The following EFCAB11 variants were observed in gnomAD, a reference collection of about 807,000 sequenced individuals.
EFCAB11 encodes EF-hand calcium binding domain 11, also known as EF-hand calcium-binding domain-containing protein 11.
Under a neutral mutation model 23.0 loss-of-function variants are expected in EFCAB11, and 14 were observed. The ratio of observed to expected loss-of-function variants is 0.61; its 90% CI spans 0.40 to 0.95. The LOEUF (loss-of-function observed/expected upper bound fraction) is 0.95, where lower values mean the gene tolerates loss of function less well. Ranked by LOEUF, EFCAB11 falls within the 40% of genes least tolerant of loss-of-function variation. The pLI is 0.00. For missense variants in EFCAB11, 198 were observed against 195.8 expected, an observed-to-expected ratio of 1.01 and a Z score of -0.07; for synonymous variants, 65 against 66.6, an observed-to-expected ratio of 0.98 and a Z score of 0.11.
intron 5 of EFCAB11, among the ~76,000 whole-genome samples, chr14:89,815,219 T>C (rs1391347637): frequency 6.6e-6 from 1 of 152,104 alleles, no homozygotes; most frequent in Non-Finnish European, 1.5e-5. Context: ...GTCCCCACAA[T>C]TTGGGGGTGG....
At chr14:89,869,484 G>C (rs1265924131) in intron 5 of EFCAB11, among the ~76,000 whole-genome samples, 1 of 151,984 alleles carries the variant, frequency 6.6e-6, no homozygotes, top group African/African-American at 2.4e-5. Flanking sequence ...ACTTCTATGA[G>C]GTTAAAAAAA....
intron 5 of EFCAB11, among the ~76,000 whole-genome samples, chr14:89,928,334 T>A (rs1398097906): frequency 1.3e-5 from 2 of 152,146 alleles, no homozygotes. Context: ...CTTTCTGATG[T>A]CTCTAGAAAT....
intron 5 of EFCAB11, among the ~76,000 whole-genome samples, chr14:89,917,098 ATGTGTG>A (rs1242468086): frequency 1.5e-4 from 11 of 73,366 alleles, no homozygotes; most frequent in East Asian, 6.5e-4. Context: ...GTGTGTGTGT[ATGTGTG>A]TGTTGAAAAC....
intron 5 of EFCAB11, among the ~76,000 whole-genome samples, chr14:89,815,287 T>C (rs572215269): frequency 1.3e-5 from 2 of 152,192 alleles, no homozygotes; most frequent in Non-Finnish European, 2.9e-5. Context: ...TTGTCATAAG[T>C]GTACATGTGA....
chr14:89,800,507 A>G (rs984159428), intron 5 of EFCAB11, among the ~76,000 whole-genome samples: 3 of 152,202 alleles, frequency 2.0e-5, no homozygotes, highest in African/African-American at 7.2e-5. Context: ...ACCCACTTCA[A>G]TCCAGTTAAG....
intron 4 of EFCAB11, among the ~76,000 whole-genome samples, chr14:89,932,025 GCTA>G (rs1890407989): frequency 4.0e-5 from 4 of 101,176 alleles, no homozygotes; most frequent in Non-Finnish European, 5.6e-5. Context: ...ATGAAATATT[GCTA>G]TTTAGAAGGA....
At chr14:89,822,781 A>G (rs1886568596) in intron 5 of EFCAB11, among the ~76,000 whole-genome samples, 1 of 152,194 alleles carries the variant, frequency 6.6e-6, no homozygotes, top group Admixed American at 6.5e-5. Flanking sequence ...TACATTATTC[A>G]ATAGACACCA....
intron 5 of EFCAB11, among the ~76,000 whole-genome samples, chr14:89,896,607 A>T (rs1566801773): frequency 6.6e-6 from 1 of 152,248 alleles, no homozygotes; most frequent in Non-Finnish European, 1.5e-5. Context: ...AGGAATTATG[A>T]CACAAAAGTG....
chr14:89,803,386 T>C (rs944117055), intron 5 of EFCAB11, among the ~76,000 whole-genome samples: 4 of 152,200 alleles, frequency 2.6e-5, no homozygotes, highest in Admixed American at 2.6e-4. Flanking sequence ...CTGGTGGTAA[T>C]AGGGCGTGTG....
intron 5 of EFCAB11, among the ~76,000 whole-genome samples, chr14:89,798,277 A>T (rs1387959697): frequency 6.6e-6 from 1 of 152,224 alleles, no homozygotes; most frequent in Non-Finnish European, 1.5e-5. Context: ...AGTAGAGAAA[A>T]ATCCCTACTT....
chr14:89,804,811 A>C (rs1230961521), intron 5 of EFCAB11, among the ~76,000 whole-genome samples: 3 of 152,208 alleles, frequency 2.0e-5, no homozygotes, highest in Non-Finnish European at 2.9e-5. Context: ...TGAAGTTCCA[A>C]GCAATTAAAA....
rs201043842 is a variant in EFCAB11, at chr14:89,932,603, T to C, written c.242A>G (p.Asn81Ser). The change falls in exon 4 of 6, where the codon AAT (asparagine) becomes AGT (serine). Residue 81 changes from asparagine to serine, a missense_variant. By Grantham distance (46) the Asn-to-Ser change is conservative. Transcript: ENST00000316738. ...TSGILLEGFLNIVRKKKEAQR... is the reference protein window; with the variant it reads ...TSGILLEGFLSIVRKKKEAQR... ...AGCTTCCTTCTTTTTCCTGACAATA[T>C]TTAAAAACCCCTCGAGTAATATACC... 3.5e-5 allele frequency: 56 copies of C among 1,613,764 alleles called. No homozygotes were observed. The East Asian group carries it at 1.1e-3, about 32-fold the overall frequency.
chr14:89,926,862 A>C (rs1890211200), intron 5 of EFCAB11, among the ~76,000 whole-genome samples: 2 of 152,228 alleles, frequency 1.3e-5, no homozygotes, highest in Admixed American at 1.3e-4. Flanking sequence ...AAACCATAGC[A>C]AAAGGCCTGG....
In EFCAB11 at chr14:89,893,702, T is replaced by A. The variant is rs114281260; in HGVS notation, c.410+37839A>T. Among the ~76,000 whole-genome samples the A allele has an allele frequency of 1.7e-3, 257 of 150,840 alleles. 1 individual carries two copies. Among genetic ancestry groups the A allele is most frequent in the African/African-American group, 6.0e-3 (246 of 40,986 alleles). On this transcript the variant is annotated intron_variant, in intron 5 of 5. Transcript: ENST00000316738. ...ATAGCCAAGTTATCCCCCTGCCCAA[T>A]CCTGCTTCCTTTTCTTCCCCAAACA...
At chr14:89,872,629 C>T (rs1371769470) in intron 5 of EFCAB11, among the ~76,000 whole-genome samples, 2 of 152,070 alleles carry the variant, frequency 1.3e-5, no homozygotes, top group Non-Finnish European at 2.9e-5. Context: ...ATTGTGTCCC[C>T]CAAAAACTCA....
chr14:89,940,411 A>G (rs1286970421), intron 3 of EFCAB11, among the ~76,000 whole-genome samples: 1 of 152,224 alleles, frequency 6.6e-6, no homozygotes, highest in African/African-American at 2.4e-5. Context: ...ATTTAGAAAA[A>G]TAATACCTTT....
At position 89,841,062 on chromosome 14, in the gene EFCAB11, T is replaced by A. The variant is rs376455293; in HGVS notation, c.411-43738A>T. Among the ~76,000 whole-genome samples the A allele has an allele frequency of 2.0e-5, 3 of 152,288 alleles. No individual in the cohort carries two copies. The East Asian group carries it at 5.8e-4, about 29-fold the overall frequency. On this transcript the variant is annotated intron_variant, in intron 5 of 5. Coordinates refer to ENST00000316738, the MANE Select transcript of EFCAB11 (RefSeq NM_145231.4). The stretch of plus-strand genomic sequence containing the variant: ...TCTTCTTCCTCACACTGCCTTGTGC[T>A]TTTTCTCCTTTAATCTAAATTCCTA...
In EFCAB11 at chr14:89,892,640, G is replaced by A. The variant is rs1251415865; in HGVS notation, c.410+38901C>T. ...CTGATGGCCAGGCATGGTGGCTCAC[G>A]CCTGTAATCCTAGCATTTTCGGAGG... is the stretch of plus-strand genomic sequence containing the variant. On this transcript the variant is annotated intron_variant, in intron 5 of 5. Coordinates refer to ENST00000316738, the MANE Select transcript of EFCAB11 (RefSeq NM_145231.4). Among the ~76,000 whole-genome samples, 3 of 152,184 alleles carry A rather than the reference G, an allele frequency of 2.0e-5. No individual in the cohort carries two copies. In the South Asian group the frequency reaches 6.2e-4, roughly 32 times the overall value.
chr14:89,951,164 G>A (rs12232164), intron 2 of EFCAB11, among the ~76,000 whole-genome samples: 11,918 of 152,150 alleles, frequency 0.078, 743 homozygotes, highest in South Asian at 0.22. Context: ...AATGCACCTG[G>A]AATGCTCATA....
Sources: gnomAD v4.1 joint callset for allele counts (sites outside exome capture counted in the v4.1 genomes callset) on GRCh38, gnomAD v4.1.1 for gene constraint, MANE v1.5 for transcripts, NCBI Gene and HGNC (gene_info 2026-07-23, HGNC 2026-07-21) for gene names.